The following MSRA variants were observed in gnomAD, a reference collection of about 807,000 sequenced individuals.
The protein encoded by MSRA is mitochondrial peptide methionine sulfoxide reductase.
A neutral mutation model predicts 31.3 loss-of-function variants in MSRA; 54 were observed. That is an observed-to-expected ratio of 1.73 (90% CI 1.39 to 2.17). MSRA has a LOEUF of 2.17. MSRA is among the 30% of genes most tolerant of loss of function. The pLI, the probability that MSRA is intolerant of heterozygous loss-of-function variation, is 0.00. For missense variants in MSRA, 507 were observed against 300.9 expected, an observed-to-expected ratio of 1.69 and a Z score of -5.07; for synonymous variants, 169 against 116.5, an observed-to-expected ratio of 1.45 and a Z score of -2.90.
At chr8:10,192,954 A>G (rs1273460394) in intron 1 of MSRA, among the ~76,000 whole-genome samples, 3 of 152,196 alleles carry the variant, frequency 2.0e-5, no homozygotes, top group East Asian at 1.9e-4. Context: ...GTTTGCCCAT[A>G]TTATATTATG....
chr8:10,370,102 C>T (rs1805393469), intron 5 of MSRA, among the ~76,000 whole-genome samples: 1 of 152,186 alleles, frequency 6.6e-6, no homozygotes, highest in Non-Finnish European at 1.5e-5. Context: ...TAATAGCCAA[C>T]ATTTGTCTCG....
chr8:10,274,392 C>T (rs915567694), intron 3 of MSRA, among the ~76,000 whole-genome samples: 2 of 152,098 alleles, frequency 1.3e-5, no homozygotes, highest in South Asian at 2.1e-4. Flanking sequence ...ATGTTGGCAT[C>T]CCATGAGGGT....
At chr8:10,260,565 A>C (rs1468591130) in intron 3 of MSRA, among the ~76,000 whole-genome samples, 2 of 152,200 alleles carry the variant, frequency 1.3e-5, no homozygotes, top group Non-Finnish European at 2.9e-5. Context: ...TAAATTGGCT[A>C]CCCAGGGACC....
At chr8:10,180,665 C>G (rs1303793442) in intron 1 of MSRA, among the ~76,000 whole-genome samples, 1 of 152,216 alleles carries the variant, frequency 6.6e-6, no homozygotes, top group Non-Finnish European at 1.5e-5. Context: ...TTTAGGAGCG[C>G]TGTACCAGGA....
intron 4 of MSRA, among the ~76,000 whole-genome samples, chr8:10,313,585 C>T (rs993066217): frequency 6.6e-6 from 1 of 152,126 alleles, no homozygotes; most frequent in African/African-American, 2.4e-5. Context: ...CACCAATTCT[C>T]TCCAAATTGT....
At chr8:10,103,735 T>G (rs11785434) in intron 1 of MSRA, among the ~76,000 whole-genome samples, 84,385 of 151,660 alleles carry the variant, frequency 0.56, 25,734 homozygotes, top group Middle Eastern at 0.68. Flanking sequence ...TTAAAATTGT[T>G]TAAATATCGA....
At chr8:10,229,515 G>A (rs1811280591) in intron 2 of MSRA, among the ~76,000 whole-genome samples, 1 of 152,158 alleles carries the variant, frequency 6.6e-6, no homozygotes, top group South Asian at 2.1e-4. Context: ...GTGACCAGAG[G>A]AGCAGCTCTG....
chr8:10,223,381 A>G (rs1810697699), intron 2 of MSRA, among the ~76,000 whole-genome samples: 1 of 152,202 alleles, frequency 6.6e-6, no homozygotes, highest in Admixed American at 6.5e-5. Flanking sequence ...AGAATATGAA[A>G]TCAGTGCTTG....
chr8:10,218,719 G>A (rs550450161), intron 2 of MSRA, among the ~76,000 whole-genome samples: 2 of 152,306 alleles, frequency 1.3e-5, no homozygotes, highest in African/African-American at 2.4e-5. Flanking sequence ...AAGTGTCAGT[G>A]TATATATGGA....
intron 3 of MSRA, among the ~76,000 whole-genome samples, chr8:10,263,180 G>C (rs1798569068): frequency 6.6e-6 from 1 of 152,156 alleles, no homozygotes; most frequent in Non-Finnish European, 1.5e-5. Flanking sequence ...TCAGTTTAAT[G>C]GCTAAACTCA....
At chr8:10,343,544 G>A (rs549936913) in intron 5 of MSRA, among the ~76,000 whole-genome samples, 3 of 152,098 alleles carry the variant, frequency 2.0e-5, no homozygotes, top group African/African-American at 7.2e-5. Flanking sequence ...TTTGCAAACT[G>A]CGTTCCCCAA....
chr8:10,359,593 C>A (rs1041022939), intron 5 of MSRA, among the ~76,000 whole-genome samples: 1 of 152,136 alleles, frequency 6.6e-6, no homozygotes, highest in Non-Finnish European at 1.5e-5. Flanking sequence ...TCTTTCTAAT[C>A]CTTCTTCAGC....
At chr8:10,151,975 C>A (rs773610068) in intron 1 of MSRA, among the ~76,000 whole-genome samples, 24 of 152,134 alleles carry the variant, frequency 1.6e-4, no homozygotes, top group Non-Finnish European at 3.1e-4. Flanking sequence ...TTTATGATGG[C>A]CAATTTATTG....
At chr8:10,134,201 C>T (rs561786818) in intron 1 of MSRA, among the ~76,000 whole-genome samples, 2 of 152,306 alleles carry the variant, frequency 1.3e-5, no homozygotes, top group South Asian at 2.1e-4. Flanking sequence ...ATCCGACCTC[C>T]TGTGTTCACT....
intron 3 of MSRA, among the ~76,000 whole-genome samples, chr8:10,275,651 ATGCACT>A (rs1309682504): frequency 6.6e-6 from 1 of 152,180 alleles, no homozygotes. Context: ...CTTCACCACT[ATGCACT>A]GGCATCTCCC....
At chr8:10,238,714 A>G (rs1414556134) in intron 2 of MSRA, among the ~76,000 whole-genome samples, 2 of 152,206 alleles carry the variant, frequency 1.3e-5, no homozygotes, top group Non-Finnish European at 2.9e-5. Flanking sequence ...TGAATATGGA[A>G]AAAAGTAAAC....
intron 5 of MSRA, among the ~76,000 whole-genome samples, chr8:10,347,024 C>T (rs1019856869): frequency 8.5e-5 from 13 of 152,202 alleles, no homozygotes; most frequent in Non-Finnish European, 1.5e-4. Flanking sequence ...CCTCTTTCCA[C>T]ACCCCATCAT....
At chr8:10,058,946 A>G (rs1000565285) in intron 1 of MSRA, 1 of 152,210 alleles carries the variant, frequency 6.6e-6, no homozygotes, top group Non-Finnish European at 1.5e-5. Context: ...CCTAAATTGG[A>G]TTATAACATG....
intron 5 of MSRA, among the ~76,000 whole-genome samples, chr8:10,355,371 C>T (rs7820654): frequency 0.012 from 1,896 of 152,264 alleles, 30 homozygotes; most frequent in African/African-American, 0.043. Context: ...TGACATTTGC[C>T]GAGTAGGCCA....
Sources: gnomAD v4.1 joint callset for allele counts (sites outside exome capture counted in the v4.1 genomes callset) on GRCh38, gnomAD v4.1.1 for gene constraint, MANE v1.5 for transcripts, NCBI Gene and HGNC (gene_info 2026-07-23, HGNC 2026-07-21) for gene names.